The following DMD variants were observed in gnomAD, a reference collection of about 807,000 sequenced individuals.
DMD encodes mutant dystrophin.
In DMD, 63 loss-of-function variants were observed where a neutral mutation model predicts 330.1. That is an observed-to-expected ratio of 0.19 (90% CI 0.16 to 0.24). The LOEUF (loss-of-function observed/expected upper bound fraction) is 0.24, where lower values mean the gene tolerates loss of function less well. DMD is among the 10% of genes least tolerant of loss of function. The probability of loss-of-function intolerance (pLI) is 1.00; values close to 1 mark genes in which losing one functional copy is unlikely to be tolerated. For synonymous variants in DMD, 1,223 were observed against 959.8 expected (o/e 1.27, Z -5.07); for missense variants, 3,344 against 2,684.1 (o/e 1.25, Z -5.43).
intron 55 of DMD, among the ~76,000 whole-genome samples, chrX:31,596,041 G>A (rs988569646): frequency 9.0e-6 from 1 of 111,473 alleles, no homozygotes; most frequent in African/African-American, 3.3e-5. Context: ...TATTCTTAAA[G>A]TTTCAAGGAC....
chrX:32,031,783 A>G (rs2147254470), intron 44 of DMD, among the ~76,000 whole-genome samples: 1 of 111,975 alleles, frequency 8.9e-6, no homozygotes, highest in East Asian at 2.8e-4. Flanking sequence ...TCTGTTTAAC[A>G]CTAAACAATT....
At chrX:33,213,406 A>G (rs756014236), upstream of DMD, among the ~76,000 whole-genome samples, 2 of 111,829 alleles carry the variant, frequency 1.8e-5, no homozygotes, top group African/African-American at 3.3e-5. Context: ...AGGTGCAAAT[A>G]TATGCTTACA....
chrX:32,420,066 A>G (rs1298373605), intron 29 of DMD, among the ~76,000 whole-genome samples: 1 of 111,862 alleles, frequency 8.9e-6, no homozygotes, highest in African/African-American at 3.2e-5. Flanking sequence ...TAAACATAAA[A>G]TAAGTCTACA....
intron 47 of DMD, among the ~76,000 whole-genome samples, chrX:31,927,652 T>TG (rs2094797689): frequency 9.0e-6 from 1 of 111,193 alleles, no homozygotes; most frequent in African/African-American, 3.3e-5. Flanking sequence ...ATTTTTTTTT[T>TG]TCAAATAACT....
chrX:31,507,787 T>C (rs959159614), intron 55 of DMD, among the ~76,000 whole-genome samples: 4 of 112,118 alleles, frequency 3.6e-5, no homozygotes. Context: ...ATGGAAGTGA[T>C]AGGCAATAAA....
intron 1 of DMD, among the ~76,000 whole-genome samples, chrX:33,105,233 G>A (rs1170985467): frequency 9.0e-6 from 1 of 111,552 alleles, no homozygotes; most frequent in African/African-American, 3.3e-5. Flanking sequence ...ACATGTGGAA[G>A]AATGAAACTG....
At chrX:32,680,155 G>A (rs1348413490) in intron 9 of DMD, among the ~76,000 whole-genome samples, 1 of 108,661 alleles carries the variant, frequency 9.2e-6, no homozygotes, top group East Asian at 2.9e-4. Flanking sequence ...CTCATGATCC[G>A]CCTGCTTCGG....
intron 60 of DMD, among the ~76,000 whole-genome samples, chrX:31,363,383 T>TA (rs2059053384): frequency 2.4e-5 from 2 of 83,547 alleles, no homozygotes; most frequent in Admixed American, 1.3e-4. Context: ...TTTTTTTTTT[T>TA]TTTTTTTTTT....
intron 7 of DMD, among the ~76,000 whole-genome samples, chrX:32,708,722 G>A (rs968842129): frequency 1.5e-4 from 17 of 111,071 alleles, no homozygotes; most frequent in African/African-American, 2.0e-4. Flanking sequence ...AGGAAGAAAC[G>A]AGTGGACCAT....
At chrX:33,308,079 G>A (rs1021042113) in intron 1 of DMD, among the ~76,000 whole-genome samples, 1 of 112,260 alleles carries the variant, frequency 8.9e-6, no homozygotes, top group African/African-American at 3.2e-5. Flanking sequence ...GTCTACCAAT[G>A]CGCAGTTGAT....
intron 4 of DMD, among the ~76,000 whole-genome samples, chrX:32,830,968 C>T (rs1403572004): frequency 9.0e-6 from 1 of 111,213 alleles, no homozygotes; most frequent in Non-Finnish European, 1.9e-5. Flanking sequence ...ATGGAGTAGT[C>T]TCCTGCTGTC....
intron 41 of DMD, among the ~76,000 whole-genome samples, chrX:32,320,577 C>T (rs1408042588): frequency 9.0e-6 from 1 of 111,024 alleles, no homozygotes; most frequent in East Asian, 2.9e-4. Flanking sequence ...AATGACAATA[C>T]ATTTTATTTA....
chrX:31,782,040 C>A (rs1314450966), intron 50 of DMD, among the ~76,000 whole-genome samples: 1 of 111,410 alleles, frequency 9.0e-6, no homozygotes, highest in Non-Finnish European at 1.9e-5. Flanking sequence ...GCTTCTCTTT[C>A]CAACATGATA....
chrX:32,332,369 A>G (rs1215630195), intron 41 of DMD, among the ~76,000 whole-genome samples: 2 of 107,823 alleles, frequency 1.9e-5, no homozygotes, highest in Non-Finnish European at 3.8e-5. Context: ...TTTCCTGGTC[A>G]TGCACTTTAT....
chrX:32,710,957 A>G (rs1332732028), intron 7 of DMD, among the ~76,000 whole-genome samples: 4 of 111,594 alleles, frequency 3.6e-5, no homozygotes, highest in Non-Finnish European at 5.7e-5. Context: ...GTATACACAC[A>G]TTTATAAACA....
At chrX:32,812,598 G>A (rs945288535) in intron 6 of DMD, among the ~76,000 whole-genome samples, 3 of 112,324 alleles carry the variant, frequency 2.7e-5, no homozygotes, top group Admixed American at 9.4e-5. Flanking sequence ...GGCCCACTGC[G>A]CTCTAGCCTG....
At chrX:33,201,735 G>T (rs570955471) in intron 1 of DMD, among the ~76,000 whole-genome samples, 1 of 112,289 alleles carries the variant, frequency 8.9e-6, no homozygotes, top group Non-Finnish European at 1.9e-5. Flanking sequence ...AGTATGGCAC[G>T]TTAATCTATG....
At chrX:32,363,068 A>G in intron 36 of DMD, 110 bp from the exon 37 acceptor site, 1 of 747,795 alleles carries the variant, frequency 1.3e-6, no homozygotes, top group Admixed American at 2.7e-5. Context: ...AAGAGTGAGA[A>G]AGAGAGAGAG....
At chrX:32,276,372 T>C (rs2097387371) in intron 43 of DMD, among the ~76,000 whole-genome samples, 1 of 112,441 alleles carries the variant, frequency 8.9e-6, no homozygotes, top group Admixed American at 9.4e-5. Flanking sequence ...TAGGGTGGCA[T>C]GTGACCTAGG....
Sources: gnomAD v4.1 joint callset for allele counts (sites outside exome capture counted in the v4.1 genomes callset) on GRCh38, gnomAD v4.1.1 for gene constraint, MANE v1.5 for transcripts, NCBI Gene and HGNC (gene_info 2026-07-23, HGNC 2026-07-21) for gene names.